GLIS3: variants seen among roughly 807,000 people sequenced by gnomAD.
GLIS3 encodes the protein zinc finger protein GLIS3.
Under a neutral mutation model 78.6 loss-of-function variants are expected in GLIS3, and 53 were observed. The ratio of observed to expected loss-of-function variants is 0.67; its 90% CI spans 0.54 to 0.85. The LOEUF (loss-of-function observed/expected upper bound fraction) is 0.85. Among genes scored for constraint, GLIS3 ranks in the 40% least tolerant of loss-of-function variants. The pLI, the probability that GLIS3 is intolerant of heterozygous loss-of-function variation, is 0.00. For synonymous variants in GLIS3, 684 were observed against 509.9 expected, an observed-to-expected ratio of 1.34 and a Z score of -4.60; for missense variants, 1,703 against 1,231.1, an observed-to-expected ratio of 1.38 and a Z score of -5.74.
At chr9:4,069,801 T>C (rs1026183910) in intron 4 of GLIS3, among the ~76,000 whole-genome samples, 4 of 152,056 alleles carry the variant, frequency 2.6e-5, no homozygotes, top group Admixed American at 1.3e-4. Context: ...TTGGGAATCA[T>C]TCTAAAATAC....
At chr9:4,086,751 A>C (rs16920608) in intron 4 of GLIS3, among the ~76,000 whole-genome samples, 4,062 of 152,286 alleles carry the variant, frequency 0.027, 155 homozygotes, top group African/African-American at 0.093. Flanking sequence ...TGTGCACAGG[A>C]GGGACTTTCA....
the GLIS3 span, among the ~76,000 whole-genome samples, chr9:4,473,793 A>C: frequency 1.3e-4 from 20 of 152,234 alleles, no homozygotes; most frequent in African/African-American, 4.6e-4. Context: ...GTTAAATAAA[A>C]ATAAATAAAT....
intron 2 of GLIS3, among the ~76,000 whole-genome samples, chr9:4,269,020 C>T (rs1826264817): frequency 6.6e-6 from 1 of 152,202 alleles, no homozygotes; most frequent in Non-Finnish European, 1.5e-5. Flanking sequence ...ACCATAGCAG[C>T]CTCTTTCCCT....
At chr9:4,386,032 A>C in the GLIS3 span, among the ~76,000 whole-genome samples, 1 of 152,202 alleles carries the variant, frequency 6.6e-6, no homozygotes, top group Admixed American at 6.5e-5. Flanking sequence ...CTCATCACTC[A>C]TGGCCAACCA....
At chr9:4,370,091 C>G in the GLIS3 span, among the ~76,000 whole-genome samples, 1 of 143,736 alleles carries the variant, frequency 7.0e-6, no homozygotes, top group Non-Finnish European at 1.5e-5. Context: ...ACTCAGGAGG[C>G]TGAGGCAGGA....
intron 2 of GLIS3, among the ~76,000 whole-genome samples, chr9:4,192,113 G>C (rs935835103): frequency 2.6e-5 from 4 of 152,050 alleles, no homozygotes; most frequent in Admixed American, 2.6e-4. Context: ...TTCTGAAGTA[G>C]AACAAAAATA....
intron 9 of GLIS3, among the ~76,000 whole-genome samples, chr9:3,843,139 G>C (rs1306888897): frequency 6.6e-6 from 1 of 152,214 alleles, no homozygotes; most frequent in African/African-American, 2.4e-5. Flanking sequence ...TACTGATCTT[G>C]TGGCTTAGAC....
intron 2 of GLIS3, among the ~76,000 whole-genome samples, chr9:4,253,173 G>T (rs572242399): frequency 6.6e-6 from 1 of 152,210 alleles, no homozygotes. Flanking sequence ...CTTCAGAGCC[G>T]GCAGGCAGGA....
intron 7 of GLIS3, among the ~76,000 whole-genome samples, chr9:3,889,363 G>C (rs1239571823): frequency 6.6e-6 from 1 of 152,158 alleles, no homozygotes; most frequent in African/African-American, 2.4e-5. Flanking sequence ...GGAGACCTAT[G>C]AGTATTGGAT....
intron 2 of GLIS3, among the ~76,000 whole-genome samples, chr9:4,212,696 A>G (rs374949507): frequency 1.3e-5 from 2 of 152,214 alleles, no homozygotes; most frequent in Non-Finnish European, 2.9e-5. Flanking sequence ...CATGCAGAGG[A>G]AACAGCAGAT....
At chr9:4,047,680 A>C (rs892586361) in intron 4 of GLIS3, among the ~76,000 whole-genome samples, 1 of 152,158 alleles carries the variant, frequency 6.6e-6, no homozygotes, top group African/African-American at 2.4e-5. Flanking sequence ...ACTGTAATAT[A>C]ACGATGTCAG....
chr9:3,884,666 T>C (rs899359043), intron 7 of GLIS3, among the ~76,000 whole-genome samples: 2 of 152,182 alleles, frequency 1.3e-5, no homozygotes, highest in Non-Finnish European at 2.9e-5. Context: ...GCATTTATAA[T>C]GTGCAAAGTT....
chr9:4,356,254 G>C, the GLIS3 span, among the ~76,000 whole-genome samples: 1 of 152,196 alleles, frequency 6.6e-6, no homozygotes, highest in East Asian at 1.9e-4. Context: ...AGCAGAGCCG[G>C]AGAGACTGGC....
At chr9:4,260,577 A>C (rs942597399) in intron 2 of GLIS3, among the ~76,000 whole-genome samples, 3 of 151,080 alleles carry the variant, frequency 2.0e-5, no homozygotes, top group African/African-American at 7.3e-5. Context: ...AAAAAAAAAA[A>C]AAAAAGATAA....
chr9:4,313,682 T>G (rs1817397825), intron 2 of GLIS3, among the ~76,000 whole-genome samples: 1 of 152,164 alleles, frequency 6.6e-6, no homozygotes, highest in African/African-American at 2.4e-5. Context: ...CAAACACACC[T>G]TGAGTTTTAC....
At chr9:4,093,021 T>A (rs7019622) in intron 4 of GLIS3, among the ~76,000 whole-genome samples, 41,932 of 152,074 alleles carry the variant, frequency 0.28, 6,646 homozygotes, top group East Asian at 0.47. Context: ...TTTCAGCTCC[T>A]TTATAATCTT....
intron 4 of GLIS3, among the ~76,000 whole-genome samples, chr9:3,941,572 G>A (rs1029695866): frequency 2.0e-4 from 31 of 151,996 alleles, no homozygotes; most frequent in African/African-American, 7.0e-4. Context: ...TACTTCTACT[G>A]CCCATTACAT....
chr9:3,974,985 A>C (rs926033550), intron 4 of GLIS3: 2 of 152,142 alleles, frequency 1.3e-5, no homozygotes, highest in Admixed American at 6.6e-5. Context: ...TGGGATTTGG[A>C]GGAAGAGGCA....
intron 4 of GLIS3, among the ~76,000 whole-genome samples, chr9:4,033,864 TAAAAAAAAA>T (rs34745570): frequency 4.4e-5 from 3 of 67,980 alleles, no homozygotes; most frequent in African/African-American, 1.3e-4. Flanking sequence ...AGGCGAAGGA[TAAAAAAAAA>T]AAAAAAAAAA....
Sources: gnomAD v4.1 joint callset for allele counts (sites outside exome capture counted in the v4.1 genomes callset) on GRCh38, gnomAD v4.1.1 for gene constraint, MANE v1.5 for transcripts, NCBI Gene and HGNC (gene_info 2026-07-23, HGNC 2026-07-21) for gene names.